MYOCD: variants seen among roughly 807,000 people sequenced by gnomAD.
The protein encoded by MYOCD is myocardin.
A neutral mutation model predicts 96.1 loss-of-function variants in MYOCD; 32 were observed. The observed-to-expected ratio is 0.33, with a 90% CI of 0.25 to 0.45. The LOEUF (loss-of-function observed/expected upper bound fraction) is 0.45. Among genes scored for constraint, MYOCD ranks in the 20% least tolerant of loss-of-function variants. The pLI is 1.00. For missense variants in MYOCD, 1,133 were observed against 1,200.6 expected, an observed-to-expected ratio of 0.94 and a Z score of 0.83; for synonymous variants, 469 against 469.0, an observed-to-expected ratio of 1.00 and a Z score of 0.00.
chr17:12,734,539 C>G (rs182786489), intron 5 of MYOCD, among the ~76,000 whole-genome samples: 83 of 107,434 alleles, frequency 7.7e-4, no homozygotes, highest in Admixed American at 3.2e-3. Flanking sequence ...GAGACACAGT[C>G]TTGTTCTGTC....
At chr17:12,757,713 C>T (rs1413752289) in intron 11 of MYOCD, among the ~76,000 whole-genome samples, 33 of 152,078 alleles carry the variant, frequency 2.2e-4, no homozygotes, top group Admixed American at 2.1e-3. Context: ...AGGCTGCTCT[C>T]GAACTCCTGA....
At chr17:12,718,861 A>G (rs750094671) in intron 4 of MYOCD, among the ~76,000 whole-genome samples, 3 of 152,126 alleles carry the variant, frequency 2.0e-5, no homozygotes, top group Non-Finnish European at 4.4e-5. Flanking sequence ...AATCCAAACG[A>G]TGTCATTTCA....
intron 4 of MYOCD, among the ~76,000 whole-genome samples, chr17:12,721,858 T>C (rs1470795331): frequency 1.3e-5 from 2 of 152,174 alleles, no homozygotes; most frequent in South Asian, 2.1e-4. Flanking sequence ...TGGGCTTTGG[T>C]ATGCCCATTC....
chr17:12,723,028 T>A lies in MYOCD; in HGVS notation c.415+20T>A, dbSNP rs545107126. Reference sequence around the variant, plus strand: ...TAAAAGGTAGTTAGAACAAATGGCATGTCTCTCCTTGGTGCTATTGAGATC... The same window carrying A: ...TAAAAGGTAGTTAGAACAAATGGCAAGTCTCTCCTTGGTGCTATTGAGATC... On this transcript the variant is annotated intron_variant, in intron 5 of 13. Transcript: ENST00000425538. 2 of 1,606,764 alleles carry A rather than the reference T, an allele frequency of 1.2e-6. No homozygotes were observed. Among genetic ancestry groups the A allele is most frequent in the Non-Finnish European group, 1.7e-6 (2 of 1,176,222 alleles).
chr17:12,734,562 G>C (rs993193292), intron 5 of MYOCD, among the ~76,000 whole-genome samples: 1 of 122,700 alleles, frequency 8.1e-6, no homozygotes, highest in African/African-American at 3.1e-5. Flanking sequence ...CCGGGCTAGA[G>C]TTCAGTGGTG....
intron 1 of MYOCD, among the ~76,000 whole-genome samples, chr17:12,669,657 T>C (rs1482237668): frequency 6.6e-6 from 1 of 152,092 alleles, no homozygotes; most frequent in Non-Finnish European, 1.5e-5. Flanking sequence ...CTCGCTCTGT[T>C]GCCCAGGCTG....
intron 1 of MYOCD, among the ~76,000 whole-genome samples, chr17:12,668,573 G>A (rs922636328): frequency 6.6e-6 from 1 of 152,002 alleles, no homozygotes; most frequent in African/African-American, 2.4e-5. Flanking sequence ...GCAGCAGTAA[G>A]CTCTGAAAGT....
Position 12,763,155 on chromosome 17 carries a change from T to C in MYOCD, c.2472T>C (p.Ala824=). The part of the protein sequence containing the change: ...KIPRSSRSPT[A]VLTKPSASFE... ...CCAGATCTTCCCGAAGTCCAACTGC[T>C]GTCCTCACCAAGCCCTCGGCTTCCT... The change falls in exon 14 of 14, where the codon GCT becomes GCC. Residue 824 remains alanine (A), a synonymous_variant. Coordinates refer to ENST00000425538, the MANE Select transcript of MYOCD (RefSeq NM_001146312.3). 1.2e-6 allele frequency: 2 copies of C among 1,614,184 alleles called. No individual in the cohort carries two copies. Among genetic ancestry groups the C allele is most frequent in the Non-Finnish European group, 8.5e-7 (1 of 1,180,022 alleles).
chr17:12,745,478 G>A lies in MYOCD; in HGVS notation c.972-441G>A, dbSNP rs544542542. Among the ~76,000 whole-genome samples the A allele has an allele frequency of 2.3e-3, 346 of 152,172 alleles. 2 individuals carry two copies. Among genetic ancestry groups the A allele is most frequent in the Middle Eastern group, 0.014 (4 of 294 alleles). On this transcript the variant is annotated intron_variant, in intron 8 of 13. Coordinates refer to ENST00000425538, the MANE Select transcript of MYOCD (RefSeq NM_001146312.3). Reference sequence around the variant, plus strand: ...CCCGCCTCGGCCTCCCAAAGTGCTCGGATTACAGGCATGAGCCACCGTGCC... The same window carrying A: ...CCCGCCTCGGCCTCCCAAAGTGCTCAGATTACAGGCATGAGCCACCGTGCC...
At chr17:12,755,467 A>G (rs949410309) in intron 10 of MYOCD, among the ~76,000 whole-genome samples, 5 of 152,058 alleles carry the variant, frequency 3.3e-5, no homozygotes, top group Admixed American at 2.6e-4. Flanking sequence ...AAATTAGGCC[A>G]GGCACAGTGG....
chr17:12,757,989 A>G, intron 11 of MYOCD, 96 bp from the exon 12 acceptor site: 1 of 935,864 alleles, frequency 1.1e-6, no homozygotes, highest in Non-Finnish European at 1.7e-6. Context: ...CTCTTAGATC[A>G]ATTTTTCCAA....
chr17:12,752,365 A>T, intron 9 of MYOCD, 49 bp from the exon 10 acceptor site: 2 of 1,474,688 alleles, frequency 1.4e-6, no homozygotes, highest in Non-Finnish European at 1.8e-6. Context: ...ATACACTTTT[A>T]AAAATATTGT....
chr17:12,738,466 C>T (rs918689082), intron 6 of MYOCD, among the ~76,000 whole-genome samples: 3 of 152,194 alleles, frequency 2.0e-5, no homozygotes, highest in African/African-American at 7.2e-5. Context: ...CACAAACACA[C>T]ACACAGACTC....
chr17:12,731,862 C>T (rs1198887355), intron 5 of MYOCD, among the ~76,000 whole-genome samples: 3 of 152,228 alleles, frequency 2.0e-5, no homozygotes, highest in Non-Finnish European at 4.4e-5. Context: ...TAAGGTTTTT[C>T]CCATCAACAG....
chr17:12,676,245 GCACACACA>G (rs36211306), intron 1 of MYOCD, among the ~76,000 whole-genome samples: 22,057 of 145,360 alleles, frequency 0.15, 1,862 homozygotes, highest in Middle Eastern at 0.22. Flanking sequence ...GCGCGCGCAC[GCACACACA>G]CACACACACA....
At chr17:12,719,731 G>T (rs1165337087) in intron 4 of MYOCD, among the ~76,000 whole-genome samples, 1 of 150,656 alleles carries the variant, frequency 6.6e-6, no homozygotes. Flanking sequence ...GCCGGGCGTG[G>T]TGGCACGTGC....
intron 9 of MYOCD, among the ~76,000 whole-genome samples, chr17:12,749,707 G>GTGTATATATATACATATA (rs147211245): frequency 0.52 from 70,837 of 135,326 alleles, 18,315 homozygotes; most frequent in South Asian, 0.61. Flanking sequence ...GTATACATAT[G>GTGTATATATATACATATA]TGTATATATA....
At chr17:12,758,326 T>G in intron 12 of MYOCD, 113 bp downstream of exon 12, 3 of 1,489,612 alleles carry the variant, frequency 2.0e-6, no homozygotes, top group Admixed American at 1.9e-5. Flanking sequence ...GTGTGTCATG[T>G]GCCATACCAC....
In MYOCD at chr17:12,763,203, C is replaced by T. The variant is rs193131989; in HGVS notation, c.2520C>T (p.Ser840=). ...CCTTTGAACAAGCCTCTTCAGGCAG[C>T]CAGATCCCCTTTGATCCCTATGCCA... ...SASFEQASSG[S]QIPFDPYATD... is the part of the protein sequence containing the mutation. The change falls in exon 14 of 14, where the codon AGC becomes AGT. Residue 840 remains serine (S), a synonymous_variant. Coordinates refer to ENST00000425538, the MANE Select transcript of MYOCD (RefSeq NM_001146312.3). 6.2e-7 allele frequency: 1 copy of T among 1,614,138 alleles called. No individual in the cohort carries two copies. Among genetic ancestry groups the T allele is most frequent in the Admixed American group, 1.7e-5 (1 of 60,016 alleles).
Sources: gnomAD v4.1 joint callset for allele counts (sites outside exome capture counted in the v4.1 genomes callset) on GRCh38, gnomAD v4.1.1 for gene constraint, MANE v1.5 for transcripts, NCBI Gene and HGNC (gene_info 2026-07-23, HGNC 2026-07-21) for gene names.